The following CADM2 variants were observed in gnomAD, a reference collection of about 807,000 sequenced individuals.
CADM2 encodes immunoglobulin superfamily member 4D.
CADM2 carries 12 observed loss-of-function variants against 49.8 expected under a neutral mutation model. The ratio of observed to expected loss-of-function variants is 0.24; its 90% confidence interval spans 0.15 to 0.39. The LOEUF (loss-of-function observed/expected upper bound fraction) is 0.39. Ranked by LOEUF, CADM2 falls within the 10% of genes least tolerant of loss-of-function variation. The pLI, the probability that CADM2 is intolerant of heterozygous loss-of-function variation, is 1.00. For synonymous variants in CADM2, 214 were observed against 175.4 expected, an observed-to-expected ratio of 1.22 and a Z score of -1.74; for missense variants, 378 against 492.3, an observed-to-expected ratio of 0.77 and a Z score of 2.20.
At chr3:85,684,082 G>A (rs537087122) in intron 1 of CADM2, among the ~76,000 whole-genome samples, 63 of 152,278 alleles carry the variant, frequency 4.1e-4, no homozygotes, top group African/African-American at 1.4e-3. Context: ...CTCACAAGGT[G>A]TGGAACAAGA....
chr3:85,734,701 T>G (rs904666155), intron 2 of CADM2, among the ~76,000 whole-genome samples: 2 of 147,674 alleles, frequency 1.4e-5, no homozygotes, highest in African/African-American at 4.9e-5. Context: ...ATATATATAT[T>G]TTAAATATAA....
intron 1 of CADM2, among the ~76,000 whole-genome samples, chr3:85,668,733 T>C (rs558408544): frequency 6.6e-6 from 1 of 152,130 alleles, no homozygotes; most frequent in African/African-American, 2.4e-5. Context: ...TAAACCTCTT[T>C]CTTTTGTAAA....
intron 3 of CADM2, among the ~76,000 whole-genome samples, chr3:85,808,020 C>G (rs982313242): frequency 1.3e-5 from 2 of 152,142 alleles, no homozygotes; most frequent in African/African-American, 4.8e-5. Flanking sequence ...TTCATTGACA[C>G]CCCATTACTG....
At chr3:85,020,993 T>C (rs1281598598) in intron 1 of CADM2, among the ~76,000 whole-genome samples, 2 of 151,208 alleles carry the variant, frequency 1.3e-5, no homozygotes, top group African/African-American at 4.9e-5. Flanking sequence ...GGCTCACGAC[T>C]GTAATTGCAG....
chr3:85,261,608 A>G (rs1446746592), intron 1 of CADM2, among the ~76,000 whole-genome samples: 1 of 152,056 alleles, frequency 6.6e-6, no homozygotes, highest in Non-Finnish European at 1.5e-5. Context: ...TATTTTCTAT[A>G]AGATAGTAAG....
At chr3:85,515,918 C>G (rs1215355055) in intron 1 of CADM2, among the ~76,000 whole-genome samples, 2 of 151,984 alleles carry the variant, frequency 1.3e-5, no homozygotes, top group African/African-American at 4.8e-5. Context: ...GGCAATTTAG[C>G]CTTTGTGTTT....
At chr3:85,330,662 A>G (rs1379831887) in intron 1 of CADM2, among the ~76,000 whole-genome samples, 1 of 151,928 alleles carries the variant, frequency 6.6e-6, no homozygotes, top group Non-Finnish European at 1.5e-5. Flanking sequence ...AAACACTTCA[A>G]AAAAAATGTT....
At chr3:85,180,894 T>G (rs1033771985) in intron 1 of CADM2, among the ~76,000 whole-genome samples, 1 of 152,200 alleles carries the variant, frequency 6.6e-6, no homozygotes, top group Non-Finnish European at 1.5e-5. Context: ...AGACGTGTCC[T>G]TAGGGAATTA....
chr3:85,029,340 T>A (rs1305210937), intron 1 of CADM2, among the ~76,000 whole-genome samples: 2 of 152,136 alleles, frequency 1.3e-5, no homozygotes, highest in African/African-American at 4.8e-5. Flanking sequence ...AAGAAAATTC[T>A]AAGTGTGAAA....
chr3:85,511,387 A>G (rs1483733862), intron 1 of CADM2, among the ~76,000 whole-genome samples: 2 of 152,098 alleles, frequency 1.3e-5, no homozygotes, highest in African/African-American at 4.8e-5. Context: ...ATACTTTGTT[A>G]TTTCCACTGC....
intron 1 of CADM2, among the ~76,000 whole-genome samples, chr3:85,428,842 T>C (rs1388889286): frequency 6.6e-6 from 1 of 151,502 alleles, no homozygotes; most frequent in Admixed American, 6.6e-5. Context: ...CTTTTGCCTC[T>C]TTAGGTTACT....
At chr3:85,399,698 T>C (rs1434633164) in intron 1 of CADM2, among the ~76,000 whole-genome samples, 2 of 152,190 alleles carry the variant, frequency 1.3e-5, no homozygotes, top group Non-Finnish European at 2.9e-5. Context: ...TCACATCTCT[T>C]GTAAGTTGGA....
At chr3:85,470,955 A>G (rs1436488066) in intron 1 of CADM2, among the ~76,000 whole-genome samples, 1 of 152,218 alleles carries the variant, frequency 6.6e-6, no homozygotes, top group African/African-American at 2.4e-5. Context: ...ACTTGAAAAT[A>G]CAGGCAAATT....
intron 1 of CADM2, among the ~76,000 whole-genome samples, chr3:85,082,840 G>C (rs1355236393): frequency 3.9e-5 from 6 of 152,102 alleles, no homozygotes; most frequent in Non-Finnish European, 7.4e-5. Context: ...AATGTTGGCA[G>C]CAAACACAAA....
At chr3:85,480,529 G>T (rs955412459) in intron 1 of CADM2, among the ~76,000 whole-genome samples, 4 of 151,820 alleles carry the variant, frequency 2.6e-5, no homozygotes, top group African/African-American at 9.7e-5. Context: ...TTGTTGAGAT[G>T]ATTAAATGAG....
At chr3:85,789,704 G>A (rs1386262255) in intron 2 of CADM2, among the ~76,000 whole-genome samples, 2 of 152,018 alleles carry the variant, frequency 1.3e-5, no homozygotes, top group African/African-American at 4.8e-5. Context: ...TTTATGGAGT[G>A]AATTAAATAT....
intron 2 of CADM2, among the ~76,000 whole-genome samples, chr3:85,753,770 C>T (rs546614111): frequency 4.6e-5 from 7 of 151,958 alleles, no homozygotes; most frequent in Non-Finnish European, 1.0e-4. Context: ...TTAGTGGCCG[C>T]GAACTCGTAT....
chr3:85,494,200 C>A (rs2039791152), intron 1 of CADM2, among the ~76,000 whole-genome samples: 1 of 152,004 alleles, frequency 6.6e-6, no homozygotes, highest in South Asian at 2.1e-4. Flanking sequence ...ATTAGCTGTG[C>A]TTTCTTTTAC....
Position 85,276,904 on chromosome 3 carries a change from G to A in CADM2, c.61+317236G>A, listed in dbSNP as rs148381454. Among the ~76,000 whole-genome samples, 810 of 151,358 alleles carry A rather than the reference G, an allele frequency of 5.4e-3. 4 individuals carry two copies. The highest frequency in any genetic ancestry group is 0.019 in the African/African-American group (768 of 41,446). ...AAAGGCAAGTTAAGGAAATATTCTA[G>A]AGGAATGTGAATATCTGACTTAAAA... On this transcript the variant is annotated intron_variant, in intron 1 of 9. Transcript: ENST00000383699.
Sources: gnomAD v4.1 joint callset for allele counts (sites outside exome capture counted in the v4.1 genomes callset) on GRCh38, gnomAD v4.1.1 for gene constraint, MANE v1.5 for transcripts, NCBI Gene and HGNC (gene_info 2026-07-23, HGNC 2026-07-21) for gene names.